DOCK1: variants seen among roughly 807,000 people sequenced by gnomAD.
DOCK1 encodes the protein dedicator of cytokinesis protein 1.
Under a neutral mutation model 262.7 loss-of-function variants are expected in DOCK1, and 138 were observed. That is an observed-to-expected ratio of 0.53 (90% CI 0.46 to 0.61). The LOEUF (loss-of-function observed/expected upper bound fraction) is 0.61, where lower values mean the gene tolerates loss of function less well. Ranked by LOEUF, DOCK1 falls within the 20% of genes least tolerant of loss-of-function variation. The pLI is 0.00. For synonymous variants in DOCK1, 866 were observed against 867.4 expected (o/e 1.00, Z 0.03); for missense variants, 1,908 against 2,370.7 (o/e 0.80, Z 4.05).
At chr10:127,318,797 G>T (rs563178089) in intron 29 of DOCK1, among the ~76,000 whole-genome samples, 1 of 152,314 alleles carries the variant, frequency 6.6e-6, no homozygotes, top group South Asian at 2.1e-4. Flanking sequence ...TAGTAATCCA[G>T]CAAACCTATA....
chr10:127,261,116 CATGT>C (rs1425761592), intron 29 of DOCK1, among the ~76,000 whole-genome samples: 1 of 125,454 alleles, frequency 8.0e-6, no homozygotes, highest in Non-Finnish European at 1.6e-5. Context: ...CATGTGTGTG[CATGT>C]GTGTGTGCCT....
intron 3 of DOCK1, 100 bp from the exon 4 acceptor site, chr10:126,981,818 C>G: frequency 1.7e-6 from 2 of 1,174,644 alleles, no homozygotes; most frequent in Non-Finnish European, 2.4e-6. Context: ...TAAGAGCGAT[C>G]TAGCCACCCC....
At position 127,287,278 on chromosome 10, in the gene DOCK1, C is replaced by T. The variant is rs750115325; in HGVS notation, c.3044+29849C>T. On this transcript the variant is annotated intron_variant, in intron 29 of 51. Coordinates refer to ENST00000623213, the MANE Select transcript of DOCK1 (RefSeq NM_001290223.2). ...AGTGCAGTGATGTGATCATAGCTCA[C>T]TGCAGCCTCGAACTCTTGGGCTCAA... 4.0e-5 allele frequency among the ~76,000 whole-genome samples: 6 copies of T among 151,508 alleles called. No individual in the cohort carries two copies. In the East Asian group the frequency reaches 7.8e-4, roughly 20 times the overall value.
At chr10:127,255,027 C>T (rs541829642) in intron 28 of DOCK1, among the ~76,000 whole-genome samples, 13 of 152,170 alleles carry the variant, frequency 8.5e-5, no homozygotes, top group Admixed American at 3.3e-4. Flanking sequence ...AGGTATGACA[C>T]GATTTTGCCT....
At chr10:126,981,790 T>A in intron 3 of DOCK1, 128 bp from the exon 4 acceptor site, 12 of 824,188 alleles carry the variant, frequency 1.5e-5, no homozygotes, top group Non-Finnish European at 2.2e-5. Context: ...TTCTTTGATA[T>A]GTTAAGACTT....
At chr10:127,375,533 A>G (rs1395749742) in intron 35 of DOCK1, among the ~76,000 whole-genome samples, 1 of 152,220 alleles carries the variant, frequency 6.6e-6, no homozygotes, top group Non-Finnish European at 1.5e-5. Flanking sequence ...CAGGAGGAAC[A>G]TGACACATCA....
chr10:127,110,282 A>G lies in DOCK1; in HGVS notation c.2551A>G (p.Met851Val), dbSNP rs912296017. 1 of 1,613,672 alleles carries G rather than the reference A, an allele frequency of 6.2e-7. No individual in the cohort carries two copies. The highest frequency in any genetic ancestry group is 8.5e-7 in the Non-Finnish European group (1 of 1,179,804). Residue 851 changes from methionine (M) to valine (V), a missense_variant, in exon 25 of 52, where the codon ATG becomes GTG. Physicochemically the swap from Met to Val is conservative, Grantham distance 21 (BLOSUM62 1). This residue lies in a region of DOCK1 where 518 missense variants were observed against 575.1 expected (regional missense o/e 0.90). Coordinates refer to ENST00000623213, the MANE Select transcript of DOCK1 (RefSeq NM_001290223.2). ...MFTEFILNVP[M>V]GLLTIQKLYC... ...TACTGAATTCATCCTCAATGTTCCCATGGGCTTGCTGACCATCCAGAAACT... is the reference window on the plus strand; with the variant it reads ...TACTGAATTCATCCTCAATGTTCCCGTGGGCTTGCTGACCATCCAGAAACT...
chr10:127,121,564 A>G (rs1216516678), intron 25 of DOCK1, among the ~76,000 whole-genome samples: 4 of 152,042 alleles, frequency 2.6e-5, no homozygotes, highest in African/African-American at 9.7e-5. Context: ...ACAAAATTCA[A>G]GAGTCTTACT....
intron 27 of DOCK1, among the ~76,000 whole-genome samples, chr10:127,214,211 A>T (rs2058103672): frequency 6.6e-6 from 1 of 152,114 alleles, no homozygotes; most frequent in Non-Finnish European, 1.5e-5. Context: ...TGTAGAGATG[A>T]CAAATCATTC....
At chr10:127,259,691 G>A (rs2059950017) in intron 29 of DOCK1, among the ~76,000 whole-genome samples, 1 of 152,150 alleles carries the variant, frequency 6.6e-6, no homozygotes, top group East Asian at 1.9e-4. Flanking sequence ...CTCTGACAAA[G>A]GTCAGGCGGG....
intron 29 of DOCK1, among the ~76,000 whole-genome samples, chr10:127,267,147 G>A (rs1238545008): frequency 1.3e-5 from 2 of 152,124 alleles, no homozygotes; most frequent in African/African-American, 4.8e-5. Context: ...CTTTTAGAGG[G>A]GACACAGGGA....
intron 29 of DOCK1, among the ~76,000 whole-genome samples, chr10:127,315,985 CA>C (rs2062260559): frequency 6.6e-6 from 1 of 151,960 alleles, no homozygotes; most frequent in South Asian, 2.1e-4. Flanking sequence ...AGGTGTGAGC[CA>C]CTGCACCCCG....
intron 1 of DOCK1, among the ~76,000 whole-genome samples, chr10:126,939,798 G>A (rs2034852080): frequency 6.6e-6 from 1 of 152,240 alleles, no homozygotes; most frequent in Non-Finnish European, 1.5e-5. Flanking sequence ...GCTTTGGTTT[G>A]GTGTTTGTTA....
chr10:126,939,995 T>C (rs887549790), intron 1 of DOCK1, among the ~76,000 whole-genome samples: 14 of 152,142 alleles, frequency 9.2e-5, no homozygotes, highest in African/African-American at 3.4e-4. Context: ...GGGGCTGGCA[T>C]TGGGAGAGTC....
intron 4 of DOCK1, among the ~76,000 whole-genome samples, chr10:126,984,634 G>T (rs1192220616): frequency 6.6e-6 from 1 of 151,906 alleles, no homozygotes; most frequent in Non-Finnish European, 1.5e-5. Context: ...CTCCCAAAGT[G>T]CTGGGATTAC....
chr10:127,343,829 T>G, intron 31 of DOCK1, 83 bp downstream of exon 31: 1 of 1,108,128 alleles, frequency 9.0e-7, no homozygotes, highest in Non-Finnish European at 1.3e-6. Context: ...CTAAGCCAAC[T>G]TGATACAAAT....
chr10:127,320,615 G>A (rs142455509), intron 29 of DOCK1, among the ~76,000 whole-genome samples: 3 of 152,264 alleles, frequency 2.0e-5, no homozygotes, highest in Middle Eastern at 3.4e-3. Context: ...GGACAGTGGC[G>A]AGCCTGAAAC....
chr10:127,021,704 G>A (rs1334116890), intron 13 of DOCK1, among the ~76,000 whole-genome samples: 1 of 152,160 alleles, frequency 6.6e-6, no homozygotes, highest in African/African-American at 2.4e-5. Flanking sequence ...GGCGGCAGCC[G>A]CGCCTCCTTC....
intron 24 of DOCK1, among the ~76,000 whole-genome samples, chr10:127,106,519 T>A (rs924066760): frequency 3.3e-5 from 5 of 152,176 alleles, no homozygotes; most frequent in African/African-American, 7.2e-5. Context: ...CAACATTTTT[T>A]AAGAAGATTG....
Sources: allele counts gnomAD v4.1 joint callset (sites outside exome capture counted in the v4.1 genomes callset), GRCh38; gene constraint gnomAD v4.1.1; regional missense constraint gnomAD v4.1.1; transcripts MANE v1.5; gene names NCBI Gene and HGNC (gene_info 2026-07-23, HGNC 2026-07-21).